The following OSBPL10 variants were observed in gnomAD, a reference collection of about 807,000 sequenced individuals.
OSBPL10 encodes oxysterol-binding protein-related protein 10.
In OSBPL10, 49 loss-of-function variants were observed where a neutral mutation model predicts 81.7. That is an observed-to-expected ratio of 0.60 (90% CI 0.48 to 0.76). The LOEUF (loss-of-function observed/expected upper bound fraction) is 0.76, where lower values mean the gene tolerates loss of function less well. OSBPL10 is among the 30% of genes least tolerant of loss of function. The pLI, the probability that OSBPL10 is intolerant of heterozygous loss-of-function variation, is 0.00. For missense variants in OSBPL10, 923 were observed against 987.8 expected (o/e 0.93, Z 0.88); for synonymous variants, 419 against 383.6 (o/e 1.09, Z -1.08).
At chr3:31,936,975 A>C (rs1697394447) in intron 1 of OSBPL10, among the ~76,000 whole-genome samples, 1 of 152,210 alleles carries the variant, frequency 6.6e-6, no homozygotes, top group Non-Finnish European at 1.5e-5. Context: ...CTCTTCCAGT[A>C]AACAGGCCTC....
intron 2 of OSBPL10, among the ~76,000 whole-genome samples, chr3:32,016,655 C>T (rs1229911022): frequency 6.6e-6 from 1 of 152,162 alleles, no homozygotes; most frequent in Non-Finnish European, 1.5e-5. Context: ...GATGTTCTCT[C>T]TTGCTGCTTT....
rs61186495 is a variant in OSBPL10, at chr3:31,672,361, C to CGG, written c.1727-1380_1727-1379dup. On this transcript the variant is annotated intron_variant, in intron 8 of 11. Coordinates refer to ENST00000396556, the MANE Select transcript of OSBPL10 (RefSeq NM_017784.5). ...CACTTAGAGCTAGAATTTGCGGGGGCGGGGGGGGGGGCAGGAGGGAGGGAG... is the reference window on the plus strand; with the variant it reads ...CACTTAGAGCTAGAATTTGCGGGGGCGGGGGGGGGGGGGCAGGAGGGAGGGAG... Among the ~76,000 whole-genome samples, 202 of 53,708 alleles carry CGG rather than the reference C, an allele frequency of 3.8e-3. 1 individual carries two copies. Among genetic ancestry groups the CGG allele is most frequent in the East Asian group, 0.016 (15 of 964 alleles). 35.2% of individuals were successfully genotyped at this position (53,708 alleles called of 152,430 possible). A position where few individuals can be genotyped will look rare whatever the true frequency, so the allele number is the denominator to read the frequency against.
chr3:31,749,828 T>C (rs1327023966), intron 4 of OSBPL10, among the ~76,000 whole-genome samples: 2 of 149,642 alleles, frequency 1.3e-5, no homozygotes, highest in African/African-American at 2.5e-5. Context: ...AATAAATACA[T>C]AAAATAAAAT....
chr3:31,744,727 T>A (rs1055030540), intron 5 of OSBPL10, among the ~76,000 whole-genome samples: 1 of 150,996 alleles, frequency 6.6e-6, no homozygotes, highest in African/African-American at 2.4e-5. Flanking sequence ...CTGAAATGCA[T>A]CCATTTGAGC....
intron 4 of OSBPL10, among the ~76,000 whole-genome samples, chr3:31,750,463 T>C (rs566017050): frequency 2.0e-5 from 3 of 152,322 alleles, no homozygotes; most frequent in South Asian, 2.1e-4. Context: ...TACAGAATAC[T>C]TGATGAACAT....
intron 4 of OSBPL10, among the ~76,000 whole-genome samples, chr3:31,788,430 G>A (rs978267193): frequency 2.6e-5 from 4 of 152,096 alleles, no homozygotes; most frequent in African/African-American, 7.2e-5. Flanking sequence ...CCATCTGCTG[G>A]TGACAGGTAA....
rs537684384 is a variant in OSBPL10, at chr3:31,794,014, G to T, written c.729+36026C>A. Among the ~76,000 whole-genome samples, 11 of 152,334 alleles carry T rather than the reference G, an allele frequency of 7.2e-5. No homozygotes were observed. The East Asian group carries it at 2.1e-3, about 29-fold the overall frequency. ...GTCGAGTGTCTTTGTGGTTTGAGAG[G>T]CCCCAGGGCGCTGGGTTGGCACAGT... On this transcript the variant is annotated intron_variant, in intron 4 of 11. Coordinates refer to ENST00000396556, the MANE Select transcript of OSBPL10 (RefSeq NM_017784.5).
intron 4 of OSBPL10, among the ~76,000 whole-genome samples, chr3:31,790,853 G>T (rs1401393216): frequency 6.6e-6 from 1 of 152,200 alleles, no homozygotes; most frequent in African/African-American, 2.4e-5. Flanking sequence ...TGCACATAAA[G>T]ATCTACTGCA....
chr3:31,662,952 C>T (rs1700102650), intron 11 of OSBPL10: 1 of 985,488 alleles, frequency 1.0e-6, no homozygotes, highest in Non-Finnish European at 1.2e-6. Context: ...GCAAAGTCTT[C>T]TCCAGGCAGC....
chr3:31,853,064 A>T (rs1290610715), intron 3 of OSBPL10, among the ~76,000 whole-genome samples: 1 of 152,180 alleles, frequency 6.6e-6, no homozygotes. Context: ...CATGAAAAAG[A>T]GTTTTTTAGT....
chr3:31,663,679 G>A (rs556274261), intron 11 of OSBPL10: 453 of 1,087,398 alleles, frequency 4.2e-4, no homozygotes, highest in Non-Finnish European at 4.8e-4. Flanking sequence ...AGCCCACCCA[G>A]GTGTTGAGAT....
intron 2 of OSBPL10, among the ~76,000 whole-genome samples, chr3:32,044,706 A>G (rs1445377117): frequency 7.5e-6 from 1 of 133,776 alleles, no homozygotes; most frequent in Non-Finnish European, 1.5e-5. Context: ...GCATCATTGC[A>G]CTCCAGCCTG....
At chr3:31,730,088 A>G (rs538682461) in intron 6 of OSBPL10, among the ~76,000 whole-genome samples, 1 of 152,322 alleles carries the variant, frequency 6.6e-6, no homozygotes, top group Non-Finnish European at 1.5e-5. Context: ...CACGCCTGTA[A>G]TCCCAACACT....
intron 3 of OSBPL10, among the ~76,000 whole-genome samples, chr3:31,870,442 G>A (rs377129585): frequency 2.8e-4 from 43 of 152,310 alleles, no homozygotes; most frequent in South Asian, 1.0e-3. Flanking sequence ...CCCGACGAGC[G>A]CCGCCCCCTA....
At chr3:31,932,967 T>C (rs773396608) in intron 1 of OSBPL10, among the ~76,000 whole-genome samples, 2 of 152,176 alleles carry the variant, frequency 1.3e-5, no homozygotes, top group Non-Finnish European at 2.9e-5. Flanking sequence ...CAATTTTATA[T>C]ACTGCAATAA....
chr3:32,060,156 A>T (rs1479723569), intron 1 of OSBPL10, among the ~76,000 whole-genome samples: 1 of 152,178 alleles, frequency 6.6e-6, no homozygotes, highest in Non-Finnish European at 1.5e-5. Context: ...CTACAAAAAT[A>T]GAATGCAAGA....
chr3:31,777,673 C>T (rs1336822478), intron 4 of OSBPL10, among the ~76,000 whole-genome samples: 2 of 152,198 alleles, frequency 1.3e-5, no homozygotes, highest in African/African-American at 4.8e-5. Flanking sequence ...GCAAATTCCA[C>T]AAGACAAGCT....
chr3:31,683,828 C>T lies in OSBPL10; in HGVS notation c.1532G>A (p.Cys511Tyr). The stretch of plus-strand genomic sequence containing the variant: ...GTCATCGGCCATTGGGTGTTCGTGA[C>T]AGCTGGCAGGAGAGCGGGAAGCAGT... The part of the protein sequence containing the change: ...KRTASRSPAS[C>Y]HEHPMADDPS... Residue 511 changes from cysteine to tyrosine, a missense_variant, in exon 8 of 12, where the codon TGT (cysteine) becomes TAT (tyrosine). By Grantham distance (194) the Cys-to-Tyr change is radical. Around this residue, in one of 3 missense-constraint regions of OSBPL10, gnomAD observed 387 missense variants for 436.3 expected, o/e 0.89. Coordinates refer to ENST00000396556, the MANE Select transcript of OSBPL10 (RefSeq NM_017784.5). 1 of 1,614,216 alleles carries T rather than the reference C, an allele frequency of 6.2e-7. No homozygotes were observed. Among genetic ancestry groups the T allele is most frequent in the Non-Finnish European group, 8.5e-7 (1 of 1,180,044 alleles).
At chr3:32,059,209 T>C (rs1156982024) in intron 1 of OSBPL10, among the ~76,000 whole-genome samples, 1 of 152,130 alleles carries the variant, frequency 6.6e-6, no homozygotes, top group African/African-American at 2.4e-5. Flanking sequence ...GGCAGAAGAA[T>C]CGCTTGAACC....
Sources: allele counts gnomAD v4.1 joint callset (sites outside exome capture counted in the v4.1 genomes callset), GRCh38; gene constraint gnomAD v4.1.1; regional missense constraint gnomAD v4.1.1; transcripts MANE v1.5; gene names NCBI Gene and HGNC (gene_info 2026-07-23, HGNC 2026-07-21).